The following SIL1 variants were observed in gnomAD, a reference collection of about 807,000 sequenced individuals.
SIL1 encodes the protein SIL1 nucleotide exchange factor, also known as nucleotide exchange factor SIL1.
SIL1 carries 40 observed loss-of-function variants against 49.1 expected under a neutral mutation model. The ratio of observed to expected loss-of-function variants is 0.81; its 90% CI spans 0.63 to 1.06. SIL1 has a LOEUF of 1.06. Ranked by LOEUF, SIL1 falls within the 50% of genes least tolerant of loss-of-function variation. SIL1 has a pLI of 0.00. For synonymous variants in SIL1, 253 were observed against 250.8 expected (o/e 1.01, Z -0.08); for missense variants, 500 against 572.6 (o/e 0.87, Z 1.29).
At chr5:139,020,996 C>T in intron 7 of SIL1, 175 bp downstream of exon 7, 2 of 812,886 alleles carry the variant, frequency 2.5e-6, no homozygotes. Flanking sequence ...CAGATGGTGA[C>T]AACATGGGTA....
chr5:139,143,579 C>A, intron 1 of SIL1, among the ~76,000 whole-genome samples: 1 of 151,780 alleles, frequency 6.6e-6, no homozygotes, highest in Non-Finnish European at 1.5e-5. Context: ...ACCTTGTTGG[C>A]CAGGCTGGTC....
chr5:139,042,859 G>C (rs372755715), intron 4 of SIL1, 140 bp from the exon 5 acceptor site: 24 of 769,740 alleles, frequency 3.1e-5, no homozygotes, highest in African/African-American at 2.2e-4. Flanking sequence ...ATATTAGTTA[G>C]GATGTGATGG....
At chr5:139,091,384 T>C (rs997556133) in intron 3 of SIL1, among the ~76,000 whole-genome samples, 1 of 150,582 alleles carries the variant, frequency 6.6e-6, no homozygotes, top group Non-Finnish European at 1.5e-5. Flanking sequence ...AAAAACACAA[T>C]AGAAAAAAAA....
chr5:139,001,846 C>T (rs1479775912), intron 7 of SIL1, among the ~76,000 whole-genome samples: 2 of 151,694 alleles, frequency 1.3e-5, no homozygotes, highest in Non-Finnish European at 2.9e-5. Flanking sequence ...CAGAGGTTGC[C>T]GTGAGCCAAG....
At chr5:139,056,473 G>A (rs1333046377) in intron 3 of SIL1, among the ~76,000 whole-genome samples, 50 of 148,954 alleles carry the variant, frequency 3.4e-4, no homozygotes, top group African/African-American at 7.7e-4. Context: ...GTCTCCGCCC[G>A]GCAGCCACCC....
At chr5:138,980,482 G>A (rs901690602) in intron 7 of SIL1, among the ~76,000 whole-genome samples, 2 of 152,112 alleles carry the variant, frequency 1.3e-5, no homozygotes, top group African/African-American at 4.8e-5. Context: ...CAAAAGAGAG[G>A]TCTGGAAACT....
At chr5:139,053,947 G>T (rs1047708656) in intron 3 of SIL1, among the ~76,000 whole-genome samples, 1 of 152,078 alleles carries the variant, frequency 6.6e-6, no homozygotes, top group Non-Finnish European at 1.5e-5. Flanking sequence ...TATCCTCAGG[G>T]CCTATAACAT....
intron 1 of SIL1, among the ~76,000 whole-genome samples, chr5:139,174,586 T>C (rs957591854): frequency 6.6e-6 from 1 of 151,966 alleles, no homozygotes; most frequent in Non-Finnish European, 1.5e-5. Flanking sequence ...GGAGGATCCT[T>C]TGAGCCCAGG....
intron 5 of SIL1, among the ~76,000 whole-genome samples, chr5:139,036,564 G>A (rs537969786): frequency 5.3e-5 from 8 of 152,286 alleles, no homozygotes; most frequent in Admixed American, 2.0e-4. Context: ...GATGGAGCTG[G>A]AGGCCATTAT....
At chr5:139,165,188 GT>G (rs1474863815) in intron 1 of SIL1, among the ~76,000 whole-genome samples, 1 of 152,206 alleles carries the variant, frequency 6.6e-6, no homozygotes, top group East Asian at 1.9e-4. Context: ...ATAAAACTTG[GT>G]CTCCACAATC....
chr5:138,981,779 C>T (rs1767529672), intron 7 of SIL1, among the ~76,000 whole-genome samples: 1 of 152,204 alleles, frequency 6.6e-6, no homozygotes, highest in African/African-American at 2.4e-5. Flanking sequence ...GTAGGAAAAG[C>T]ACTTGCTCTC....
At chr5:139,140,219 G>A (rs1216076760) in intron 1 of SIL1, among the ~76,000 whole-genome samples, 7 of 151,580 alleles carry the variant, frequency 4.6e-5, no homozygotes, top group South Asian at 2.1e-4. Context: ...GCAGTGAGCC[G>A]AGATCGAGCC....
intron 1 of SIL1, among the ~76,000 whole-genome samples, chr5:139,185,056 AT>A (rs569929663): frequency 2.6e-5 from 4 of 152,184 alleles, no homozygotes; most frequent in Admixed American, 1.3e-4. Context: ...GAAAAAAATA[AT>A]TGTTTCCCAG....
chr5:138,951,158 C>G lies in SIL1; in HGVS notation c.1029+13G>C. ...AGCAAACAAGAGGAGACTGGGTGGG[C>G]CTGGGCACTCACCTTCTCCGTGACC... On this transcript the variant is annotated intron_variant, in intron 9 of 9. Transcript: ENST00000394817. 1 of 1,609,158 alleles carries G rather than the reference C, an allele frequency of 6.2e-7. No individual in the cohort carries two copies. Among genetic ancestry groups the G allele is most frequent in the Non-Finnish European group, 8.5e-7 (1 of 1,177,736 alleles).
intron 1 of SIL1, among the ~76,000 whole-genome samples, chr5:139,187,335 G>A (rs997635699): frequency 1.3e-5 from 2 of 152,054 alleles, no homozygotes; most frequent in Non-Finnish European, 2.9e-5. Flanking sequence ...TGGCCAACAC[G>A]GTGAAACCCC....
chr5:138,963,791 T>TG (rs1767076563), intron 7 of SIL1, among the ~76,000 whole-genome samples: 1 of 152,214 alleles, frequency 6.6e-6, no homozygotes, highest in African/African-American at 2.4e-5. Context: ...CGGTTTTCCG[T>TG]GGGGGCGGAT....
At chr5:139,133,191 T>C (rs531913576) in intron 1 of SIL1, 3 of 152,340 alleles carry the variant, frequency 2.0e-5, no homozygotes, top group Middle Eastern at 6.8e-3. Context: ...ACTATTTCAG[T>C]GTCTCACCGG....
At chr5:139,033,595 C>T (rs1051499638) in intron 5 of SIL1, among the ~76,000 whole-genome samples, 5 of 151,450 alleles carry the variant, frequency 3.3e-5, no homozygotes, top group Admixed American at 2.0e-4. Flanking sequence ...TTTTAACCTC[C>T]CCTGAGATTT....
rs1182467332 is a variant in SIL1 at position 139,043,043 on chromosome 5, T to C, written c.354-324A>G. Reference sequence around the variant, plus strand: ...GCATCATATTCCCCAAGAAAGAAAATGTCCCTGGGTGAATGGCACCCTAAG... The same window carrying C: ...GCATCATATTCCCCAAGAAAGAAAACGTCCCTGGGTGAATGGCACCCTAAG... On this transcript the variant is annotated intron_variant, in intron 4 of 9. Coordinates refer to ENST00000394817, the MANE Select transcript of SIL1 (RefSeq NM_022464.5). Among the ~76,000 whole-genome samples, 3 of 151,974 alleles carry C rather than the reference T, an allele frequency of 2.0e-5. 1 individual carries two copies. Among genetic ancestry groups the C allele is most frequent in the Middle Eastern group, 6.3e-3 (2 of 316 alleles).
Sources: allele counts gnomAD v4.1 joint callset (sites outside exome capture counted in the v4.1 genomes callset), GRCh38; gene constraint gnomAD v4.1.1; transcripts MANE v1.5; gene names NCBI Gene and HGNC (gene_info 2026-07-23, HGNC 2026-07-21).